The following OR51B5 variants were observed in gnomAD, a reference collection of about 807,000 sequenced individuals.
OR51B5 encodes olfactory receptor family 51 subfamily B member 5.
For synonymous variants in OR51B5, 186 were observed against 144.8 expected (o/e 1.28, Z -2.04); for missense variants, 456 against 374.6 (o/e 1.22, Z -1.79).
intron 1 of OR51B5, among the ~76,000 whole-genome samples, chr11:5,461,649 G>C (rs1454812611): frequency 6.6e-6 from 1 of 152,180 alleles, no homozygotes; most frequent in Non-Finnish European, 1.5e-5. Context: ...GCACAGACTG[G>C]AGTTCTGTCT....
rs192041273 is a variant in OR51B5, at chr11:5,433,000, G to T, written n.84+72569C>A. Among the ~76,000 whole-genome samples, 321 of 152,266 alleles carry T rather than the reference G, an allele frequency of 2.1e-3. 1 individual carries two copies. The highest frequency in any genetic ancestry group is 3.2e-3 in the Non-Finnish European group (217 of 68,008). On this transcript the variant is annotated intron_variant and non_coding_transcript_variant, in intron 1 of 4. Coordinates refer to the OR51B5 transcript ENST00000415970. ...TCAGAGAGGGAAAAATGTTTTGAAT[G>T]AAAGTGAGACTATGGTTTTAAAAAG...
At chr11:5,358,658 C>T (rs1849231672) in intron 1 of OR51B5, among the ~76,000 whole-genome samples, 1 of 151,992 alleles carries the variant, frequency 6.6e-6, no homozygotes, top group Non-Finnish European at 1.5e-5. Context: ...CCAGCATCAT[C>T]CTGATACCAA....
At chr11:5,414,058 A>C (rs1420461541) in intron 1 of OR51B5, among the ~76,000 whole-genome samples, 1 of 151,090 alleles carries the variant, frequency 6.6e-6, no homozygotes, top group Non-Finnish European at 1.5e-5. Context: ...CCTCAAAGGG[A>C]AGCCCATCAA....
At chr11:5,457,744 G>T (rs577570107) in intron 1 of OR51B5, among the ~76,000 whole-genome samples, 1 of 152,228 alleles carries the variant, frequency 6.6e-6, no homozygotes, top group Admixed American at 6.5e-5. Flanking sequence ...TCCTTTATAT[G>T]CTTGTTGGCC....
intron 1 of OR51B5, among the ~76,000 whole-genome samples, chr11:5,372,614 A>AT (rs1849463521): frequency 6.6e-6 from 1 of 151,904 alleles, no homozygotes; most frequent in African/African-American, 2.4e-5. Flanking sequence ...TTACTATTAT[A>AT]TTTTTTCATA....
chr11:5,354,482 A>C (rs1252764089), intron 1 of OR51B5, among the ~76,000 whole-genome samples: 1 of 151,314 alleles, frequency 6.6e-6, no homozygotes, highest in African/African-American at 2.4e-5. Context: ...AAAAAGTCCA[A>C]GAGAGGTGAA....
At chr11:5,463,162 A>T (rs191170204) in intron 1 of OR51B5, among the ~76,000 whole-genome samples, 162 of 152,328 alleles carry the variant, frequency 1.1e-3, no homozygotes, top group African/African-American at 3.7e-3. Context: ...AAATAGAATA[A>T]ATTATCCATT....
At chr11:5,341,111 C>CTTAAG (rs1326939045), downstream of OR51B5, 4 of 152,078 alleles carry the variant, frequency 2.6e-5, no homozygotes, top group African/African-American at 7.2e-5. Context: ...TGCAGTTTTT[C>CTTAAG]TTAAGTTGGA....
chr11:5,453,666 T>G, intron 1 of OR51B5: 1 of 1,613,476 alleles, frequency 6.2e-7, no homozygotes, highest in Non-Finnish European at 8.5e-7. Context: ...TGAGCCCATG[T>G]ACTACTTCCT....
At chr11:5,353,047 A>C (rs998178920) in intron 1 of OR51B5, among the ~76,000 whole-genome samples, 4 of 151,874 alleles carry the variant, frequency 2.6e-5, no homozygotes, top group African/African-American at 9.7e-5. Flanking sequence ...CTTCAGACAT[A>C]CATCCAGTTC....
In OR51B5 at chr11:5,366,592, G is replaced by A. The variant is rs559770337; in HGVS notation, n.85-19682C>T. ...CCATTGCACTCCAGCAGCCTGGAAG[G>A]CAAAAGCAAGATGAGAAAGAAATAG... On this transcript the variant is annotated intron_variant and non_coding_transcript_variant, in intron 1 of 4. Coordinates refer to the OR51B5 transcript ENST00000415970. Among the ~76,000 whole-genome samples the A allele has an allele frequency of 1.5e-3, 223 of 151,780 alleles. 1 individual carries two copies. Among genetic ancestry groups the A allele is most frequent in the African/African-American group, 5.3e-3 (219 of 41,374 alleles).
At chr11:5,475,327 A>G (rs889284478) in intron 1 of OR51B5, among the ~76,000 whole-genome samples, 2 of 152,154 alleles carry the variant, frequency 1.3e-5, no homozygotes, top group South Asian at 2.1e-4. Flanking sequence ...AATATATTCA[A>G]TCATTGTTCT....
chr11:5,451,486 G>C (rs1238567112), intron 1 of OR51B5, among the ~76,000 whole-genome samples: 1 of 152,214 alleles, frequency 6.6e-6, no homozygotes, highest in African/African-American at 2.4e-5. Flanking sequence ...TTCTTGAAGA[G>C]ACACAAGCAT....
At position 5,478,792 on chromosome 11, in the gene OR51B5, G is replaced by T. The variant is rs1024466237; in HGVS notation, n.84+26777C>A. ...GAAGATGAAATGAATGAAATGAAGC[G>T]TGAAGGGAAGTTTAGAGAAAAAAGA... On this transcript the variant is annotated intron_variant and non_coding_transcript_variant, in intron 1 of 4. Coordinates refer to the OR51B5 transcript ENST00000415970. Among the ~76,000 whole-genome samples the T allele has an allele frequency of 5.3e-5, 8 of 150,818 alleles. No homozygotes were observed. The East Asian group carries it at 9.6e-4, about 18-fold the overall frequency.
intron 1 of OR51B5, chr11:5,393,384 A>AG (rs2133733117): frequency 3.1e-5 from 1 of 32,258 alleles, no homozygotes; most frequent in East Asian, 4.6e-4. Context: ...AATATTAAAT[A>AG]AAAATAAGCA....
chr11:5,343,280 A>G, exon 1 of OR51B5: 1 of 1,612,308 alleles, frequency 6.2e-7, no homozygotes, highest in East Asian at 2.2e-5. Context: ...CAGCCAGAGG[A>G]CTCCCAGCAC....
intron 1 of OR51B5, chr11:5,489,049 TC>T: frequency 6.2e-7 from 1 of 1,613,948 alleles, no homozygotes; most frequent in Non-Finnish European, 8.5e-7. Context: ...TGCTCTGGAG[TC>T]CTCAATTCTA....
intron 1 of OR51B5, among the ~76,000 whole-genome samples, chr11:5,483,594 T>C (rs1371582921): frequency 7.3e-6 from 1 of 137,394 alleles, no homozygotes; most frequent in East Asian, 2.1e-4. Context: ...AGGAAAGAAG[T>C]GAAAAAGAGA....
chr11:5,406,669 T>C (rs1022496015), intron 1 of OR51B5, among the ~76,000 whole-genome samples: 1 of 152,138 alleles, frequency 6.6e-6, no homozygotes, highest in Non-Finnish European at 1.5e-5. Context: ...TTCAAGCCAA[T>C]TCTCCTGCCA....
Sources: gnomAD v4.1 joint callset for allele counts (sites outside exome capture counted in the v4.1 genomes callset) on GRCh38, gnomAD v4.1.1 for gene constraint, MANE v1.5 for transcripts, NCBI Gene and HGNC (gene_info 2026-07-23, HGNC 2026-07-21) for gene names.